Variants in LRRN1 observed in about 807,000 individuals in gnomAD.
LRRN1 encodes leucine-rich repeat neuronal protein 1.
A neutral mutation model predicts 45.8 loss-of-function variants in LRRN1; 14 were observed. That is an observed-to-expected ratio of 0.31 (90% confidence interval 0.20 to 0.48). The LOEUF is 0.48. LRRN1 is among the 20% of genes least tolerant of loss of function. The probability of loss-of-function intolerance (pLI) is 0.99; values close to 1 mark genes in which losing one functional copy is unlikely to be tolerated. For synonymous variants in LRRN1, 359 were observed against 330.1 expected (o/e 1.09, Z -0.95); for missense variants, 789 against 874.2 (o/e 0.90, Z 1.23).
In LRRN1 at chr3:3,848,469, A is replaced by G. The variant is rs181073404; in HGVS notation, c.*1677A>G. ...CAGCATTCCATCAGACAGGTGCCAG[A>G]CAAGCAAAAGCAAGGAAGTTGGCAG... is the stretch of plus-strand genomic sequence containing the variant. On this transcript the variant is annotated 3_prime_UTR_variant, in exon 2 of 2. Coordinates refer to ENST00000319331, the MANE Select transcript of LRRN1 (RefSeq NM_020873.7). 1.7e-3 allele frequency among the ~76,000 whole-genome samples: 260 copies of G among 152,338 alleles called. 2 individuals carry two copies. The highest frequency in any genetic ancestry group is 6.8e-3 in the Middle Eastern group (2 of 294).
At chr3:3,806,759 C>A (rs1692769372) in intron 1 of LRRN1, among the ~76,000 whole-genome samples, 1 of 152,194 alleles carries the variant, frequency 6.6e-6, no homozygotes, top group African/African-American at 2.4e-5. Context: ...CCTGAGAAAC[C>A]AAATGTGATT....
chr3:3,804,795 G>GTGACA (rs10657401), intron 1 of LRRN1, among the ~76,000 whole-genome samples: 128,775 of 151,994 alleles, frequency 0.85, 54,754 homozygotes, highest in African/African-American at 0.87. Context: ...CAATGTACAT[G>GTGACA]TGACATCCTT....
At position 3,844,458 on chromosome 3, in the gene LRRN1, T is replaced by G. The variant is rs532361203; in HGVS notation, c.-184T>G. 1.1e-5 allele frequency: 6 copies of G among 566,028 alleles called. No homozygotes were observed. In the South Asian group the frequency reaches 1.5e-4, roughly 14 times the overall value. 35.1% of individuals were successfully genotyped at this position (566,028 alleles called of 1,614,324 possible). On this transcript the variant is annotated 5_prime_UTR_variant, in exon 2 of 2. Coordinates refer to ENST00000319331, the MANE Select transcript of LRRN1 (RefSeq NM_020873.7). ...GAGACACAGTTAAAAGACTCCAAGT[T>G]GCTTTCTGCCTTTTGAAAACTCCTG...
intron 1 of LRRN1, among the ~76,000 whole-genome samples, chr3:3,812,590 G>C (rs1575281930): frequency 6.6e-6 from 1 of 152,312 alleles, no homozygotes; most frequent in East Asian, 1.9e-4. Flanking sequence ...GGAAGAGACT[G>C]CATCCTATAC....
intron 1 of LRRN1, among the ~76,000 whole-genome samples, chr3:3,833,689 C>T (rs1693421269): frequency 6.6e-6 from 1 of 152,154 alleles, no homozygotes; most frequent in Admixed American, 6.5e-5. Context: ...TGGCAACTGC[C>T]TCAGGAGAGA....
chr3:3,823,060 C>T (rs1415260833), intron 1 of LRRN1, among the ~76,000 whole-genome samples: 1 of 152,132 alleles, frequency 6.6e-6, no homozygotes, highest in African/African-American at 2.4e-5. Flanking sequence ...ATTCAGTGAA[C>T]AGATGAACTG....
chr3:3,844,857 T>G lies in LRRN1; in HGVS notation c.216T>G (p.Ser72Arg). The G allele has an allele frequency of 1.9e-6, 3 of 1,614,180 alleles. No homozygotes were observed. Among genetic ancestry groups the G allele is most frequent in the Non-Finnish European group, 2.5e-6 (3 of 1,180,018 alleles). ...RLTRIPSNLS[S>R]DTQVLLLQSN... ...CAAGGATTCCCAGTAACCTCTCTAG[T>G]GACACACAAGTGCTTCTCTTACAGA... Residue 72 changes from serine to arginine, a missense_variant, in exon 2 of 2, where the codon AGT becomes AGG. By Grantham distance (110) the Ser-to-Arg change is moderately radical. Coordinates refer to ENST00000319331, the MANE Select transcript of LRRN1 (RefSeq NM_020873.7).
chr3:3,817,729 T>C lies in LRRN1; in HGVS notation c.-279+17810T>C, dbSNP rs142492489. ...TTTAAATAAAAATGTTGTTAAAATG[T>C]CAGATAATTAGTACAGATTACTACT... On this transcript the variant is annotated intron_variant, in intron 1 of 1. Transcript: ENST00000319331. Among the ~76,000 whole-genome samples, 458 of 152,196 alleles carry C rather than the reference T, an allele frequency of 3.0e-3. 4 individuals carry two copies. The highest frequency in any genetic ancestry group is 0.01 in the African/African-American group (432 of 41,522).
At chr3:3,808,711 T>C (rs557254283) in intron 1 of LRRN1, among the ~76,000 whole-genome samples, 1 of 152,352 alleles carries the variant, frequency 6.6e-6, no homozygotes, top group East Asian at 1.9e-4. Flanking sequence ...ACAAGAGGAC[T>C]GGACTACGTT....
In LRRN1 at chr3:3,846,734, G is replaced by A. The variant is rs1461684937; in HGVS notation, c.2093G>A (p.Gly698Asp). ...WEGDSEKDKD[G>D]SADTKPTQVD... ...GGTGACAGCGAGAAAGACAAAGATG[G>A]TTCTGCAGACACCAAGCCAACCCAG... The change falls in exon 2 of 2, where the codon GGT becomes GAT. Residue 698 changes from glycine to aspartate, a missense_variant. Physicochemically the swap from Gly to Asp is moderately conservative, Grantham distance 94 (BLOSUM62 -1). Transcript: ENST00000319331. The surrounding 1 kb of genome is among the most constrained non-coding windows in gnomAD (Gnocchi z 5.7). 6.2e-7 allele frequency: 1 copy of A among 1,613,718 alleles called. No homozygotes were observed. The highest frequency in any genetic ancestry group is 1.3e-5 in the African/African-American group (1 of 74,920).
intron 1 of LRRN1, among the ~76,000 whole-genome samples, chr3:3,808,898 A>G (rs1354551101): frequency 6.6e-6 from 1 of 152,138 alleles, no homozygotes; most frequent in Non-Finnish European, 1.5e-5. Flanking sequence ...AACAGAACAT[A>G]TTTATAAACC....
chr3:3,833,267 A>G (rs6788194), intron 1 of LRRN1, among the ~76,000 whole-genome samples: 101,630 of 152,044 alleles, frequency 0.67, 35,149 homozygotes, highest in Non-Finnish European at 0.77. Flanking sequence ...CTTCCTCTAC[A>G]TTAAACCAAG....
intron 1 of LRRN1, chr3:3,827,420 T>C (rs1219194730): frequency 2.2e-6 from 1 of 456,528 alleles, no homozygotes; most frequent in African/African-American, 2.0e-5. Flanking sequence ...TTCTGGGAGG[T>C]CAGTCCACAC....
At chr3:3,825,819 A>G (rs1693203744) in intron 1 of LRRN1, among the ~76,000 whole-genome samples, 1 of 152,222 alleles carries the variant, frequency 6.6e-6, no homozygotes, top group Non-Finnish European at 1.5e-5. Flanking sequence ...TCACACCATA[A>G]TAAACTGAGT....
intron 1 of LRRN1, among the ~76,000 whole-genome samples, chr3:3,833,602 C>T (rs893987385): frequency 1.5e-4 from 23 of 152,248 alleles, no homozygotes; most frequent in African/African-American, 4.8e-4. Context: ...AGGGGCCCAT[C>T]GGGATTTTAG....
At chr3:3,828,096 T>G (rs1247873975) in intron 1 of LRRN1, among the ~76,000 whole-genome samples, 1 of 150,532 alleles carries the variant, frequency 6.6e-6, no homozygotes, top group East Asian at 1.9e-4. Context: ...GCTGGATATT[T>G]TCCCAGTGTG....
At chr3:3,838,961 T>G (rs1430671829) in intron 1 of LRRN1, among the ~76,000 whole-genome samples, 1 of 151,666 alleles carries the variant, frequency 6.6e-6, no homozygotes, top group Non-Finnish European at 1.5e-5. Context: ...GTAGGTCATC[T>G]TTTTTTGCTG....
At position 3,810,614 on chromosome 3, in the gene LRRN1, G is replaced by A. The variant is rs1692852301; in HGVS notation, c.-279+10695G>A. On this transcript the variant is annotated intron_variant, in intron 1 of 1. Transcript: ENST00000319331. ...CCCAGTTACTTGGGAGGCTGAGGTG[G>A]GAGGATCACCTGAACCCAGGAGATT... Among the ~76,000 whole-genome samples the A allele has an allele frequency of 2.0e-5, 3 of 152,142 alleles. No homozygotes were observed. In the South Asian group the frequency reaches 6.2e-4, roughly 32 times the overall value.
rs1439705367 is a variant in LRRN1 at position 3,799,556 on chromosome 3, G to C, written c.-642G>C. On this transcript the variant is annotated 5_prime_UTR_variant, in exon 1 of 2. Coordinates refer to ENST00000319331, the MANE Select transcript of LRRN1 (RefSeq NM_020873.7). ...GGCCGACGGCGTCAGCCCGGGCGGC[G>C]GCATCCCTAGGCGCCTGGGGCGCCT... 1 of 152,086 alleles carries C rather than the reference G, an allele frequency of 6.6e-6. No individual in the cohort carries two copies. The allele number at this position is 152,086 out of a possible 1,614,324, so 9.4% of individuals were successfully genotyped here. A position where few individuals can be genotyped will look rare whatever the true frequency, so the allele number is the denominator to read the frequency against.
Sources: gnomAD v4.1 joint callset for allele counts (sites outside exome capture counted in the v4.1 genomes callset) on GRCh38, gnomAD v4.1.1 for gene constraint, Gnocchi (gnomAD v3.1) non-coding constraint, MANE v1.5 for transcripts, NCBI Gene and HGNC (gene_info 2026-07-23, HGNC 2026-07-21) for gene names.